CUX1: variants seen among roughly 807,000 people sequenced by gnomAD.
The protein encoded by CUX1 is protein CASP.
A neutral mutation model predicts 158.8 loss-of-function variants in CUX1; 31 were observed. That is an observed-to-expected ratio of 0.20 (90% CI 0.15 to 0.26). The LOEUF (loss-of-function observed/expected upper bound fraction) is 0.26. CUX1 is among the 10% of genes least tolerant of loss of function. CUX1 has a pLI of 1.00. For missense variants in CUX1, 1,589 were observed against 2,014.6 expected (o/e 0.79, Z 4.04); for synonymous variants, 879 against 862.1 (o/e 1.02, Z -0.34).
upstream of CUX1, among the ~76,000 whole-genome samples, chr7:101,816,758 G>C (rs1272182596): frequency 2.8e-5 from 4 of 143,646 alleles, no homozygotes; most frequent in Non-Finnish European, 6.2e-5. Context: ...AGCGGCCACC[G>C]GCGGCGGCGG....
Position 102,225,991 on chromosome 7 carries a change from C to T in CUX1, c.3131-1376C>T, listed in dbSNP as rs1240367101. Among the ~76,000 whole-genome samples, 6 of 152,280 alleles carry T rather than the reference C, an allele frequency of 3.9e-5. No homozygotes were observed. The East Asian group carries it at 1.2e-3, about 29-fold the overall frequency. On this transcript the variant is annotated intron_variant, in intron 20 of 23. Transcript: ENST00000292535. ...AGATTCTGCCTTGCAGGCAGGACCT[C>T]AGCCCGAAGCCACATCTTCCTCCAG... is the stretch of plus-strand genomic sequence containing the variant.
At chr7:102,222,092 C>T (rs1554527129) in intron 20 of CUX1, among the ~76,000 whole-genome samples, 2 of 152,108 alleles carry the variant, frequency 1.3e-5, no homozygotes, top group African/African-American at 4.8e-5. Flanking sequence ...GACCCCATCT[C>T]TCTACAAAAT....
intron 8 of CUX1, among the ~76,000 whole-genome samples, chr7:102,146,133 A>T (rs1554501944): frequency 6.6e-6 from 1 of 151,964 alleles, no homozygotes; most frequent in African/African-American, 2.4e-5. Flanking sequence ...GGCTGTTAGA[A>T]CTCTAGAGAG....
chr7:102,204,458 C>A lies in CUX1; in HGVS notation c.2975C>A (p.Thr992Lys), dbSNP rs782015147. The change falls in exon 19 of 24, where the codon ACG (threonine) becomes AAG (lysine). Residue 992 changes from threonine to lysine, a missense_variant. Around this residue, in one of 8 missense-constraint regions of CUX1, gnomAD observed 29 missense variants for 66.6 expected, o/e 0.44. Coordinates refer to ENST00000292535, the MANE Select transcript of CUX1 (RefSeq NM_181552.4). ...LSRPKPWSKL[T>K]QKGREPFIRM... The stretch of plus-strand genomic sequence containing the variant: ...CGACCGAAGCCATGGAGCAAGCTGA[C>A]GCAGAAAGGCCGAGAACCCTTCATC... 1 of 1,613,806 alleles carries A rather than the reference C, an allele frequency of 6.2e-7. No individual in the cohort carries two copies.
At chr7:101,875,433 A>G (rs966385559) in intron 1 of CUX1, among the ~76,000 whole-genome samples, 2 of 152,216 alleles carry the variant, frequency 1.3e-5, no homozygotes. Context: ...GCTGTTAGAC[A>G]TGGTGTTTAA....
intron 1 of CUX1, among the ~76,000 whole-genome samples, chr7:101,897,019 C>T (rs1801593143): frequency 6.6e-6 from 1 of 152,240 alleles, no homozygotes; most frequent in African/African-American, 2.4e-5. Flanking sequence ...AAAAGTCACG[C>T]ACACACAACT....
chr7:102,152,240 A>T (rs1444292610), intron 8 of CUX1, among the ~76,000 whole-genome samples: 1 of 151,960 alleles, frequency 6.6e-6, no homozygotes, highest in Non-Finnish European at 1.5e-5. Context: ...AGTCCCAGCT[A>T]CTCAAGAGAC....
chr7:102,103,381 C>T (rs1355558221), intron 5 of CUX1, among the ~76,000 whole-genome samples: 2 of 152,110 alleles, frequency 1.3e-5, no homozygotes, highest in Non-Finnish European at 2.9e-5. Flanking sequence ...TTCCTTCCTT[C>T]CTTTTCTGTC....
chr7:102,253,814 T>C lies in CUX1; in HGVS notation c.*4772T>C, dbSNP rs1247109487. 16 of 985,432 alleles carry C rather than the reference T, an allele frequency of 1.6e-5. No homozygotes were observed. The highest frequency in any genetic ancestry group is 1.9e-5 in the Non-Finnish European group (16 of 830,100). The allele number at this position is 985,432 out of a possible 1,614,324, so 61.0% of individuals were successfully genotyped here. ...CAACACGGGGCATGAGCGGTGGGCG[T>C]GCTGGGCTATTTGCTGTGGTACTTT... On this transcript the variant is annotated 3_prime_UTR_variant, in exon 24 of 24. Transcript: ENST00000292535.
Position 102,104,370 on chromosome 7 carries a change from A to T in CUX1, c.441A>T (p.Arg147=), listed in dbSNP as rs782407308. The change falls in exon 6 of 24, where the codon CGA becomes CGT. Residue 147 remains arginine (R), a synonymous_variant. Coordinates refer to ENST00000292535, the MANE Select transcript of CUX1 (RefSeq NM_181552.4). ...TAAAAGCACTTAAAGAGAAAATCCG[A>T]GAATATGAACAGACACTGAAGAACC... ...VTIKALKEKI[R]EYEQTLKNQA... The T allele has an allele frequency of 1.2e-6, 2 of 1,611,038 alleles. No individual in the cohort carries two copies. The highest frequency in any genetic ancestry group is 3.3e-5 in the Admixed American group (2 of 59,948).
intron 2 of CUX1, among the ~76,000 whole-genome samples, chr7:102,019,750 C>T (rs1414187613): frequency 4.6e-5 from 7 of 152,160 alleles, no homozygotes; most frequent in African/African-American, 1.4e-4. Flanking sequence ...GGAGACTCTG[C>T]CAGGACACGG....
At chr7:102,278,120 G>T in intron 18 of CUX1, 3 of 1,317,256 alleles carry the variant, frequency 2.3e-6, no homozygotes, top group South Asian at 2.5e-5. Flanking sequence ...GAGAGAGGCC[G>T]ATCAGGGCTC....
At chr7:102,177,844 C>T (rs1335273114) in intron 10 of CUX1, among the ~76,000 whole-genome samples, 4 of 152,184 alleles carry the variant, frequency 2.6e-5, no homozygotes, top group South Asian at 2.1e-4. Flanking sequence ...CTCATCCTGC[C>T]GCATCCCTGC....
intron 2 of CUX1, among the ~76,000 whole-genome samples, chr7:101,957,339 A>T (rs1031295511): frequency 6.6e-6 from 1 of 152,230 alleles, no homozygotes; most frequent in East Asian, 1.9e-4. Flanking sequence ...TCTAAGTCTT[A>T]GCAGGGATTA....
chr7:102,218,268 G>T (rs1347523521), intron 20 of CUX1, among the ~76,000 whole-genome samples: 1 of 152,216 alleles, frequency 6.6e-6, no homozygotes, highest in Non-Finnish European at 1.5e-5. Flanking sequence ...CCCACACCTG[G>T]CACATGGAGG....
intron 1 of CUX1, among the ~76,000 whole-genome samples, chr7:101,885,678 C>T (rs1212199324): frequency 6.6e-6 from 1 of 152,194 alleles, no homozygotes; most frequent in Non-Finnish European, 1.5e-5. Flanking sequence ...TGCCCCAGTT[C>T]CCCGAGCACA....
intron 8 of CUX1, chr7:102,125,741 A>T (rs1184304486): frequency 6.6e-6 from 1 of 151,124 alleles, no homozygotes; most frequent in African/African-American, 2.4e-5. Flanking sequence ...ATGTATATAA[A>T]CATGTTTATG....
chr7:101,956,310 C>T (rs1194470458), intron 2 of CUX1, among the ~76,000 whole-genome samples: 1 of 152,150 alleles, frequency 6.6e-6, no homozygotes, highest in Admixed American at 6.6e-5. Flanking sequence ...AAGCTGAGAT[C>T]ATTTCCATTT....
intron 2 of CUX1, among the ~76,000 whole-genome samples, chr7:101,935,724 G>A (rs989721221): frequency 3.9e-5 from 6 of 152,218 alleles, no homozygotes; most frequent in Non-Finnish European, 7.3e-5. Flanking sequence ...GTCACGAGGC[G>A]TGAGGAGGCT....
Sources: allele counts gnomAD v4.1 joint callset (sites outside exome capture counted in the v4.1 genomes callset), GRCh38; gene constraint gnomAD v4.1.1; regional missense constraint gnomAD v4.1.1; transcripts MANE v1.5; gene names NCBI Gene and HGNC (gene_info 2026-07-23, HGNC 2026-07-21).